GALNT2: variants seen among roughly 807,000 people sequenced by gnomAD.
The protein encoded by GALNT2 is UDP-GalNAc:polypeptide N-acetylgalactosaminyltransferase 2.
Under a neutral mutation model 81.4 loss-of-function variants are expected in GALNT2, and 31 were observed. That is an observed-to-expected ratio of 0.38 (90% confidence interval 0.29 to 0.51). The LOEUF is 0.51. Ranked by LOEUF, GALNT2 falls within the 20% of genes least tolerant of loss-of-function variation. The pLI is 0.87. For synonymous variants in GALNT2, 303 were observed against 287.4 expected (o/e 1.05, Z -0.55); for missense variants, 629 against 765.7 (o/e 0.82, Z 2.11).
upstream of GALNT2, among the ~76,000 whole-genome samples, chr1:230,064,972 T>C (rs1157263859): frequency 6.6e-6 from 1 of 152,252 alleles, no homozygotes; most frequent in Non-Finnish European, 1.5e-5. Flanking sequence ...TATTTAGGAG[T>C]TGATAATTCC....
chr1:230,266,268 A>G (rs1336592078), intron 14 of GALNT2, among the ~76,000 whole-genome samples: 1 of 152,210 alleles, frequency 6.6e-6, no homozygotes, highest in Admixed American at 6.5e-5. Context: ...GAGAGACAAA[A>G]TGAAGGCTTG....
chr1:230,166,876 GAA>G (rs1301304789), intron 1 of GALNT2, among the ~76,000 whole-genome samples: 7 of 152,160 alleles, frequency 4.6e-5, no homozygotes, highest in Admixed American at 3.9e-4. Context: ...GTAAAAGAGA[GAA>G]CATGCTAGTG....
chr1:230,108,700 G>A (rs892224404), intron 1 of GALNT2, among the ~76,000 whole-genome samples: 2 of 152,164 alleles, frequency 1.3e-5, no homozygotes, highest in South Asian at 2.1e-4. Context: ...GCACTTAAAC[G>A]TTAGCCTGCA....
chr1:230,058,044 A>G (rs1049799926), exon 1 of GALNT2: 2 of 456,188 alleles, frequency 4.4e-6, no homozygotes, highest in African/African-American at 2.0e-5. Flanking sequence ...GAATGTGGAC[A>G]GGGCAAGGTG....
chr1:230,115,006 CTT>C (rs10666711), intron 1 of GALNT2, among the ~76,000 whole-genome samples: 8 of 129,318 alleles, frequency 6.2e-5, no homozygotes, highest in Non-Finnish European at 7.8e-5. Flanking sequence ...AGGGTTCACT[CTT>C]TTTTTTTTTT....
chr1:230,236,592 C>G (rs1299905276), intron 5 of GALNT2, 68 bp from the exon 6 acceptor site: 1 of 1,508,646 alleles, frequency 6.6e-7, no homozygotes, highest in Non-Finnish European at 9.1e-7. Context: ...ATTGAGAATA[C>G]TATGGTTGAA....
intron 1 of GALNT2, among the ~76,000 whole-genome samples, chr1:230,140,927 A>C (rs1661710404): frequency 6.6e-6 from 1 of 152,248 alleles, no homozygotes; most frequent in Non-Finnish European, 1.5e-5. Context: ...GAAGATACGT[A>C]TCCTTTCTAG....
chr1:230,169,196 A>T (rs1425610080), intron 1 of GALNT2, among the ~76,000 whole-genome samples: 1 of 152,236 alleles, frequency 6.6e-6, no homozygotes, highest in Non-Finnish European at 1.5e-5. Context: ...CCTGAATAGT[A>T]ACTGGAAGAG....
At chr1:230,195,777 G>A (rs1663674169) in intron 2 of GALNT2, among the ~76,000 whole-genome samples, 2 of 152,128 alleles carry the variant, frequency 1.3e-5, no homozygotes, top group Non-Finnish European at 2.9e-5. Flanking sequence ...GCTCCTCCTG[G>A]AGGAGGAGGG....
At chr1:230,195,541 G>A (rs1034896886) in intron 2 of GALNT2, among the ~76,000 whole-genome samples, 1 of 152,122 alleles carries the variant, frequency 6.6e-6, no homozygotes, top group South Asian at 2.1e-4. Flanking sequence ...GCTGGCAGGA[G>A]GGGTAGACAC....
chr1:230,259,015 G>A (rs1665799197), intron 11 of GALNT2: 4 of 152,124 alleles, frequency 2.6e-5, no homozygotes, highest in African/African-American at 9.7e-5. Context: ...ATTATTTTGG[G>A]GCAGCATGGA....
At position 230,203,201 on chromosome 1, in the gene GALNT2, G is replaced by A. The variant is rs780366072; in HGVS notation, c.285G>A (p.Gly95=). ...TTGGAGGGACGATGGTCCGCTCCGG[G>A]CAGGACCCTTACGCCCGCAACAAGT... ...AYVGGTMVRS[G]QDPYARNKFN... The change falls in exon 3 of 16, where the codon GGG becomes GGA. Residue 95 remains glycine (G), a synonymous_variant. Transcript: ENST00000366672. 2.5e-5 allele frequency: 41 copies of A among 1,614,040 alleles called. No homozygotes were observed. The highest frequency in any genetic ancestry group is 3.0e-5 in the Non-Finnish European group (35 of 1,180,022).
chr1:230,077,197 C>T (rs1659589753), intron 1 of GALNT2, among the ~76,000 whole-genome samples: 2 of 152,188 alleles, frequency 1.3e-5, no homozygotes, highest in African/African-American at 4.8e-5. Flanking sequence ...TTCCTCCTTG[C>T]TGCCTCTGGG....
chr1:230,192,011 T>C (rs1663542674), intron 2 of GALNT2, among the ~76,000 whole-genome samples: 2 of 152,214 alleles, frequency 1.3e-5, no homozygotes, highest in Non-Finnish European at 2.9e-5. Flanking sequence ...CAACAACAGG[T>C]GATGCCAGTG....
intron 1 of GALNT2, among the ~76,000 whole-genome samples, chr1:230,086,269 T>C (rs1461339743): frequency 6.6e-6 from 1 of 152,064 alleles, no homozygotes; most frequent in Non-Finnish European, 1.5e-5. Context: ...GGGTGGGTGA[T>C]GGTGACTAGG....
chr1:230,141,279 G>A (rs934290346), intron 1 of GALNT2, among the ~76,000 whole-genome samples: 1 of 152,156 alleles, frequency 6.6e-6, no homozygotes, highest in African/African-American at 2.4e-5. Context: ...CTCCAGACCC[G>A]GGCTGGGTTC....
At chr1:230,108,439 C>T (rs113709956) in intron 1 of GALNT2, among the ~76,000 whole-genome samples, 89 of 152,290 alleles carry the variant, frequency 5.8e-4, no homozygotes, top group African/African-American at 2.0e-3. Flanking sequence ...CCATAATGCA[C>T]TTCTGATATA....
At chr1:230,268,444 A>T (rs1034773411) in intron 14 of GALNT2, 10 of 152,048 alleles carry the variant, frequency 6.6e-5, no homozygotes, top group African/African-American at 2.4e-4. Flanking sequence ...CAGTGTTCTG[A>T]TGATTTATGG....
chr1:230,081,098 G>A (rs573966003), intron 1 of GALNT2, among the ~76,000 whole-genome samples: 14 of 152,146 alleles, frequency 9.2e-5, no homozygotes, highest in Non-Finnish European at 1.5e-4. Context: ...TCCAGCCTCC[G>A]CAGACCATGC....
Sources: allele counts gnomAD v4.1 joint callset (sites outside exome capture counted in the v4.1 genomes callset), GRCh38; gene constraint gnomAD v4.1.1; transcripts MANE v1.5; gene names NCBI Gene and HGNC (gene_info 2026-07-23, HGNC 2026-07-21).